The following SMURF1 variants were observed in gnomAD, a reference collection of about 807,000 sequenced individuals.
The protein encoded by SMURF1 is E3 ubiquitin-protein ligase SMURF1.
A neutral mutation model predicts 98.0 loss-of-function variants in SMURF1; 44 were observed. The ratio of observed to expected loss-of-function variants is 0.45; its 90% CI spans 0.35 to 0.58. The LOEUF is 0.58. Among genes scored for constraint, SMURF1 ranks in the 20% least tolerant of loss-of-function variants. SMURF1 has a pLI of 0.00. For synonymous variants in SMURF1, 396 were observed against 374.9 expected (o/e 1.06, Z -0.65); for missense variants, 687 against 938.4 (o/e 0.73, Z 3.50).
chr7:99,030,737 C>G, intron 17 of SMURF1, 54 bp from the exon 18 acceptor site: 2 of 1,441,964 alleles, frequency 1.4e-6, no homozygotes, highest in South Asian at 2.3e-5. Context: ...CTAGGACCAA[C>G]CTCAAGGCCA....
intron 3 of SMURF1, among the ~76,000 whole-genome samples, 155 bp downstream of exon 3, chr7:99,060,444 C>G: frequency 6.7e-6 from 1 of 148,806 alleles, no homozygotes; most frequent in East Asian, 1.9e-4. Flanking sequence ...TACATGAATT[C>G]TAAAATTAGG....
chr7:99,083,986 CTG>C (rs1796626030), intron 1 of SMURF1, among the ~76,000 whole-genome samples: 1 of 152,282 alleles, frequency 6.6e-6, no homozygotes, highest in African/African-American at 2.4e-5. Flanking sequence ...ATGCCTGACT[CTG>C]TGTTAAGCAC....
chr7:99,052,881 T>A (rs1239363377), intron 6 of SMURF1, among the ~76,000 whole-genome samples: 1 of 152,210 alleles, frequency 6.6e-6, no homozygotes, highest in East Asian at 1.9e-4. Flanking sequence ...CTGGCCAACA[T>A]GATGAAACCG....
At chr7:99,034,900 G>A (rs974166518) in intron 16 of SMURF1, among the ~76,000 whole-genome samples, 11 of 152,170 alleles carry the variant, frequency 7.2e-5, no homozygotes, top group Non-Finnish European at 1.2e-4. Flanking sequence ...AGCATTTACA[G>A]TCCAATCAGC....
intron 1 of SMURF1, among the ~76,000 whole-genome samples, chr7:99,107,556 C>A (rs1299585084): frequency 6.6e-6 from 1 of 152,184 alleles, no homozygotes; most frequent in African/African-American, 2.4e-5. Context: ...AGAAATCGCT[C>A]GGACCTAACA....
Position 99,143,793 on chromosome 7 carries a change from A to G in SMURF1, c.-13T>C. On this transcript the variant is annotated 5_prime_UTR_variant, in exon 1 of 18. Coordinates refer to ENST00000361368, the MANE Select transcript of SMURF1 (RefSeq NM_181349.3). ...CGGGGTTCGACATCTCCCGCCAACG[A>G]TCGGGCAGCCGCGGATCCAGCGCCA... is the stretch of plus-strand genomic sequence containing the variant. 1 of 1,543,804 alleles carries G rather than the reference A, an allele frequency of 6.5e-7. No homozygotes were observed. The highest frequency in any genetic ancestry group is 8.7e-7 in the Non-Finnish European group (1 of 1,146,904).
At chr7:99,111,446 T>C (rs1797322118) in intron 1 of SMURF1, among the ~76,000 whole-genome samples, 1 of 152,204 alleles carries the variant, frequency 6.6e-6, no homozygotes, top group Non-Finnish European at 1.5e-5. Context: ...TCAATTTAAA[T>C]TAATTTTAAA....
chr7:99,057,747 A>C (rs771396450), intron 3 of SMURF1, among the ~76,000 whole-genome samples, 196 bp from the exon 4 acceptor site: 1 of 151,696 alleles, frequency 6.6e-6, no homozygotes, highest in Non-Finnish European at 1.5e-5. Flanking sequence ...ACAGGCGTGC[A>C]TCACCATGCC....
chr7:99,115,832 T>C (rs1475892729), intron 1 of SMURF1, among the ~76,000 whole-genome samples: 2 of 152,094 alleles, frequency 1.3e-5, no homozygotes, highest in African/African-American at 4.8e-5. Flanking sequence ...AGAAAAACTC[T>C]AAGACCAGAT....
At chr7:99,075,706 G>T (rs1279875099) in intron 1 of SMURF1, among the ~76,000 whole-genome samples, 1 of 151,906 alleles carries the variant, frequency 6.6e-6, no homozygotes, top group Non-Finnish European at 1.5e-5. Flanking sequence ...TCACACACAG[G>T]TCAATTTTTG....
At chr7:99,101,363 C>T (rs977178378) in intron 1 of SMURF1, among the ~76,000 whole-genome samples, 1 of 152,082 alleles carries the variant, frequency 6.6e-6, no homozygotes, top group Non-Finnish European at 1.5e-5. Flanking sequence ...TAGAACAAGA[C>T]CCTGTCTCAA....
In SMURF1 at chr7:99,057,736, T is replaced by C. The variant is rs1036309141; in HGVS notation, c.204-185A>G. On this transcript the variant is annotated intron_variant, in intron 3 of 17. Transcript: ENST00000361368. The stretch of plus-strand genomic sequence containing the variant: ...CCTCAGCCTCCCGAGTAGCTGGGAC[T>C]ACAGGCGTGCATCACCATGCCTGGC... Among the ~76,000 whole-genome samples the C allele has an allele frequency of 3.3e-5, 5 of 152,184 alleles. No individual in the cohort carries two copies. The Middle Eastern group carries it at 0.01, about 311-fold the overall frequency.
chr7:99,072,380 C>T (rs1156985440), intron 1 of SMURF1, among the ~76,000 whole-genome samples: 3 of 151,996 alleles, frequency 2.0e-5, no homozygotes, highest in South Asian at 2.1e-4. Flanking sequence ...GGCGGCCAGG[C>T]GTGGTGGCTC....
At chr7:99,079,518 T>C (rs563283245) in intron 1 of SMURF1, among the ~76,000 whole-genome samples, 50 of 152,338 alleles carry the variant, frequency 3.3e-4, no homozygotes, top group South Asian at 1.2e-3. Flanking sequence ...TAAAAGTGTT[T>C]CCTCGTAAAA....
At chr7:99,083,719 G>T (rs1321308009) in intron 1 of SMURF1, among the ~76,000 whole-genome samples, 3 of 152,026 alleles carry the variant, frequency 2.0e-5, no homozygotes, top group African/African-American at 7.2e-5. Flanking sequence ...TGCATTCTTT[G>T]GATTTCAAAC....
At chr7:99,123,643 T>A (rs187822272) in intron 1 of SMURF1, among the ~76,000 whole-genome samples, 4 of 152,314 alleles carry the variant, frequency 2.6e-5, no homozygotes, top group South Asian at 2.1e-4. Flanking sequence ...ATCTGTATCA[T>A]AATAAAGCTT....
chr7:99,077,359 A>T (rs1796487654), intron 1 of SMURF1, among the ~76,000 whole-genome samples: 1 of 144,172 alleles, frequency 6.9e-6, no homozygotes, highest in African/African-American at 2.6e-5. Flanking sequence ...TTTGAGATGG[A>T]GTCTCGCTCT....
intron 12 of SMURF1, among the ~76,000 whole-genome samples, chr7:99,041,851 A>G (rs1795398214): frequency 6.6e-6 from 1 of 152,258 alleles, no homozygotes; most frequent in Non-Finnish European, 1.5e-5. Flanking sequence ...GAGTTCCCTC[A>G]AATGATCACA....
At chr7:99,117,398 C>T (rs1306649150) in intron 1 of SMURF1, among the ~76,000 whole-genome samples, 2 of 152,008 alleles carry the variant, frequency 1.3e-5, no homozygotes, top group Non-Finnish European at 2.9e-5. Context: ...GCCCAGGCTT[C>T]AGTACGATAG....
Sources: gnomAD v4.1 joint callset for allele counts (sites outside exome capture counted in the v4.1 genomes callset) on GRCh38, gnomAD v4.1.1 for gene constraint, MANE v1.5 for transcripts, NCBI Gene and HGNC (gene_info 2026-07-23, HGNC 2026-07-21) for gene names.